EPB41L2: variants seen among roughly 807,000 people sequenced by gnomAD.
EPB41L2 encodes erythrocyte membrane protein band 4.1 like 2.
A neutral mutation model predicts 113.0 loss-of-function variants in EPB41L2; 43 were observed. The ratio of observed to expected loss-of-function variants is 0.38; its 90% confidence interval spans 0.30 to 0.49. The LOEUF (loss-of-function observed/expected upper bound fraction) is 0.49, where lower values mean the gene tolerates loss of function less well. Among genes scored for constraint, EPB41L2 ranks in the 20% least tolerant of loss-of-function variants. EPB41L2 has a pLI of 0.95. For synonymous variants in EPB41L2, 442 were observed against 436.7 expected, an observed-to-expected ratio of 1.01 and a Z score of -0.15; for missense variants, 1,147 against 1,223.4, an observed-to-expected ratio of 0.94 and a Z score of 0.93.
intron 4 of EPB41L2, among the ~76,000 whole-genome samples, chr6:130,924,185 A>G (rs962030999): frequency 6.6e-6 from 1 of 152,334 alleles, no homozygotes; most frequent in Admixed American, 6.5e-5. Flanking sequence ...GTAGGTATTG[A>G]TATGTACATA....
intron 4 of EPB41L2, among the ~76,000 whole-genome samples, chr6:130,915,252 G>A (rs1407060431): frequency 6.6e-6 from 1 of 151,988 alleles, no homozygotes; most frequent in Non-Finnish European, 1.5e-5. Flanking sequence ...GCAGTGAGCC[G>A]AGATCCCGCC....
At chr6:131,057,320 C>T (rs1430517257) in intron 1 of EPB41L2, among the ~76,000 whole-genome samples, 1 of 152,126 alleles carries the variant, frequency 6.6e-6, no homozygotes, top group Non-Finnish European at 1.5e-5. Flanking sequence ...AGTTTATGCA[C>T]CCATGAGGCC....
At chr6:130,858,008 C>G in intron 19 of EPB41L2, 123 bp downstream of exon 19, 3 of 780,754 alleles carry the variant, frequency 3.8e-6, no homozygotes, top group Non-Finnish European at 6.7e-6. Context: ...TGATAACAGT[C>G]TAGAAAGTCA....
chr6:130,971,792 ATT>A (rs1185080670), intron 1 of EPB41L2, among the ~76,000 whole-genome samples: 1 of 152,256 alleles, frequency 6.6e-6, no homozygotes, highest in Non-Finnish European at 1.5e-5. Flanking sequence ...CAGCCTACTC[ATT>A]TTTATCTATA....
chr6:131,000,407 A>C (rs921096612), intron 1 of EPB41L2, among the ~76,000 whole-genome samples: 1 of 151,492 alleles, frequency 6.6e-6, no homozygotes, highest in Admixed American at 6.6e-5. Context: ...ATGGTTACAC[A>C]TAACTTTTAG....
intron 1 of EPB41L2, among the ~76,000 whole-genome samples, chr6:130,958,282 T>C (rs1273620833): frequency 6.6e-6 from 1 of 151,930 alleles, no homozygotes; most frequent in Non-Finnish European, 1.5e-5. Flanking sequence ...CGAAACCCCA[T>C]CTCTACTAAA....
chr6:130,881,904 T>C (rs1789442185), intron 12 of EPB41L2: 1 of 152,166 alleles, frequency 6.6e-6, no homozygotes, highest in Non-Finnish European at 1.5e-5. Flanking sequence ...AAAAACTAGC[T>C]AAAATTCATC....
At chr6:131,009,803 C>A (rs185646549) in intron 1 of EPB41L2, among the ~76,000 whole-genome samples, 3 of 152,242 alleles carry the variant, frequency 2.0e-5, no homozygotes, top group Non-Finnish European at 4.4e-5. Flanking sequence ...TTGTTTTCTC[C>A]CCTTTTATGA....
chr6:131,032,388 T>C (rs1222722943), intron 1 of EPB41L2, among the ~76,000 whole-genome samples: 2 of 152,056 alleles, frequency 1.3e-5, no homozygotes, highest in Non-Finnish European at 2.9e-5. Context: ...AACCTTCACT[T>C]TTTTCCCTCA....
At chr6:130,962,272 T>TG (rs1022072906) in intron 1 of EPB41L2, among the ~76,000 whole-genome samples, 1 of 137,312 alleles carries the variant, frequency 7.3e-6, no homozygotes, top group Non-Finnish European at 1.6e-5. Context: ...GCAGGAGAGG[T>TG]GGGGCAGAGG....
intron 1 of EPB41L2, chr6:130,978,917 G>C (rs1402754267): frequency 2.6e-5 from 4 of 152,168 alleles, no homozygotes; most frequent in African/African-American, 9.7e-5. Context: ...TAAGTGGGTA[G>C]AAGCACACTC....
At chr6:131,061,144 C>G (rs1275238839) in intron 1 of EPB41L2, among the ~76,000 whole-genome samples, 4 of 152,136 alleles carry the variant, frequency 2.6e-5, no homozygotes, top group Admixed American at 2.0e-4. Flanking sequence ...ATGACTAAGT[C>G]TTTCTTACAG....
intron 1 of EPB41L2, among the ~76,000 whole-genome samples, chr6:130,973,160 TCTTCA>T (rs200717971): frequency 0.021 from 3,141 of 152,202 alleles, 51 homozygotes; most frequent in South Asian, 0.061. Context: ...TTGATGGAAG[TCTTCA>T]CTTCTCTTCT....
At chr6:130,857,942 C>A (rs1780795605) in intron 19 of EPB41L2, among the ~76,000 whole-genome samples, 189 bp downstream of exon 19, 1 of 152,122 alleles carries the variant, frequency 6.6e-6, no homozygotes, top group Non-Finnish European at 1.5e-5. Context: ...GTTATTGACA[C>A]CACATGACCA....
chr6:130,880,610 G>C (rs1032455370), intron 12 of EPB41L2: 1 of 499,066 alleles, frequency 2.0e-6, no homozygotes, highest in African/African-American at 2.0e-5. Context: ...CCTTTACTGT[G>C]AGGCCCTCAG....
At chr6:130,983,471 C>T (rs1302640094) in intron 1 of EPB41L2, among the ~76,000 whole-genome samples, 1 of 151,752 alleles carries the variant, frequency 6.6e-6, no homozygotes, top group Non-Finnish European at 1.5e-5. Context: ...TACTTCTAGC[C>T]TACAAATTTT....
intron 1 of EPB41L2, among the ~76,000 whole-genome samples, chr6:130,969,962 A>T (rs1776353612): frequency 6.6e-6 from 1 of 152,210 alleles, no homozygotes; most frequent in Non-Finnish European, 1.5e-5. Flanking sequence ...AAAAGCTATC[A>T]TGTTAAAGAT....
chr6:131,011,701 C>A (rs960793367), intron 1 of EPB41L2, among the ~76,000 whole-genome samples: 5 of 152,164 alleles, frequency 3.3e-5, no homozygotes, highest in African/African-American at 9.7e-5. Flanking sequence ...CTCTCCCACC[C>A]CAAGCCAAGG....
chr6:131,038,466 G>T (rs530671822), intron 1 of EPB41L2, among the ~76,000 whole-genome samples: 2 of 152,232 alleles, frequency 1.3e-5, no homozygotes, highest in African/African-American at 4.8e-5. Context: ...AGTATTCACA[G>T]TTAAAGCAAT....
Sources: gnomAD v4.1 joint callset for allele counts (sites outside exome capture counted in the v4.1 genomes callset) on GRCh38, gnomAD v4.1.1 for gene constraint, MANE v1.5 for transcripts, NCBI Gene and HGNC (gene_info 2026-07-23, HGNC 2026-07-21) for gene names.